SAMD5: variants seen among roughly 807,000 people sequenced by gnomAD.
SAMD5 encodes the protein sterile alpha motif domain-containing protein 5.
In SAMD5, 13 loss-of-function variants were observed where a neutral mutation model predicts 11.3. That is an observed-to-expected ratio of 1.15 (90% CI 0.75 to 1.83). The LOEUF (loss-of-function observed/expected upper bound fraction) is 1.83. SAMD5 is among the 40% of genes most tolerant of loss of function. The pLI, the probability that SAMD5 is intolerant of heterozygous loss-of-function variation, is 0.00. For missense variants in SAMD5, 255 were observed against 239.1 expected (o/e 1.07, Z -0.44); for synonymous variants, 129 against 111.3 (o/e 1.16, Z -1.00).
the SAMD5 span, among the ~76,000 whole-genome samples, chr6:147,830,174 A>C: frequency 6.6e-6 from 1 of 151,848 alleles, no homozygotes; most frequent in Non-Finnish European, 1.5e-5. Context: ...GGAGAGAAAG[A>C]ATAGGAGATG....
chr6:147,517,238 C>A (rs758923909), intron 1 of SAMD5, among the ~76,000 whole-genome samples: 2 of 152,192 alleles, frequency 1.3e-5, no homozygotes, highest in Non-Finnish European at 2.9e-5. Context: ...TGACATAGTG[C>A]TGGAGAGGTA....
rs201639504 is a variant in SAMD5 at position 147,540,767 on chromosome 6, CAG to C, written c.460-23618_460-23617del. ...TAGTGACATTTACTGTTTACCCAGA[CAG>C]AGAGAGAGGGGGGGGGTCCAGAAAC... On this transcript the variant is annotated intron_variant, in intron 1 of 1. Transcript: ENST00000367474. Among the ~76,000 whole-genome samples, 2 of 142,454 alleles carry C rather than the reference CAG, an allele frequency of 1.4e-5. 1 individual carries two copies. Among genetic ancestry groups the C allele is most frequent in the South Asian group, 4.5e-4 (2 of 4,460 alleles). The allele number at this position is 142,454 out of a possible 152,430, so 93.5% of individuals were successfully genotyped here. A position where few individuals can be genotyped will look rare whatever the true frequency, so the allele number is the denominator to read the frequency against.
At chr6:147,931,995 T>C in the SAMD5 span, among the ~76,000 whole-genome samples, 2 of 152,226 alleles carry the variant, frequency 1.3e-5, no homozygotes, top group African/African-American at 2.4e-5. Context: ...CTTCCACATC[T>C]ATCTTTCATT....
the SAMD5 span, among the ~76,000 whole-genome samples, chr6:147,948,580 G>A: frequency 7.9e-5 from 12 of 152,122 alleles, no homozygotes; most frequent in South Asian, 2.1e-4. Flanking sequence ...TCTCCTTCAC[G>A]TTCATCATCC....
the SAMD5 span, among the ~76,000 whole-genome samples, chr6:147,844,822 C>T: frequency 1.3e-5 from 2 of 152,034 alleles, no homozygotes; most frequent in African/African-American, 2.4e-5. Context: ...AAGAGTAGAA[C>T]AGTGGTTACC....
chr6:147,594,814 C>T (rs1789506131), intron 1 of SAMD5, among the ~76,000 whole-genome samples: 1 of 152,188 alleles, frequency 6.6e-6, no homozygotes, highest in African/African-American at 2.4e-5. Flanking sequence ...TCAGGTAATT[C>T]AAGAGGTTGA....
downstream of SAMD5, among the ~76,000 whole-genome samples, chr6:147,739,103 G>A (rs1018138906): frequency 6.6e-6 from 1 of 152,092 alleles, no homozygotes; most frequent in Non-Finnish European, 1.5e-5. Flanking sequence ...TGGTGTTGGG[G>A]AAAAAGCATC....
chr6:147,854,930 G>A, the SAMD5 span, among the ~76,000 whole-genome samples: 3 of 152,092 alleles, frequency 2.0e-5, no homozygotes, highest in Non-Finnish European at 2.9e-5. Context: ...CTGGGTTGGA[G>A]GAACAAAATT....
At chr6:147,845,436 G>A in the SAMD5 span, among the ~76,000 whole-genome samples, 8 of 152,102 alleles carry the variant, frequency 5.3e-5, no homozygotes, top group Non-Finnish European at 7.4e-5. Flanking sequence ...TCTGTGAAAG[G>A]TCAAAAGGAT....
At chr6:147,899,128 G>A in the SAMD5 span, among the ~76,000 whole-genome samples, 6 of 131,774 alleles carry the variant, frequency 4.6e-5, no homozygotes, top group African/African-American at 1.5e-4. Flanking sequence ...CCAAGATCGC[G>A]CCACTGCACT....
chr6:147,570,448 A>G (rs1423001725), downstream of SAMD5, among the ~76,000 whole-genome samples: 1 of 152,122 alleles, frequency 6.6e-6, no homozygotes, highest in Non-Finnish European at 1.5e-5. Flanking sequence ...CAGATAAGCA[A>G]TATTTCCGTG....
chr6:147,564,707 C>G lies in SAMD5; in HGVS notation c.*251C>G. On this transcript the variant is annotated 3_prime_UTR_variant, in exon 2 of 2. Coordinates refer to ENST00000367474, the MANE Select transcript of SAMD5 (RefSeq NM_001030060.3). ...TGAGTTCATTTTTTTAAGAAGATAT[C>G]ATGATGAGATACAGTCTTATGCATT... The G allele has an allele frequency of 8.3e-7, 1 of 1,206,826 alleles. No homozygotes were observed. Among genetic ancestry groups the G allele is most frequent in the Non-Finnish European group, 1.0e-6 (1 of 965,676 alleles). 74.8% of individuals were successfully genotyped at this position (1,206,826 alleles called of 1,614,324 possible).
At chr6:147,949,793 T>C in the SAMD5 span, among the ~76,000 whole-genome samples, 1 of 152,240 alleles carries the variant, frequency 6.6e-6, no homozygotes, top group Non-Finnish European at 1.5e-5. Flanking sequence ...TATGGATAAC[T>C]AAAAGATACT....
At chr6:147,796,163 A>T in the SAMD5 span, among the ~76,000 whole-genome samples, 1 of 150,294 alleles carries the variant, frequency 6.7e-6, no homozygotes, top group East Asian at 1.9e-4. Flanking sequence ...CTGAATGGTA[A>T]TGCCTAGGTT....
chr6:147,743,502 CAAA>C, the SAMD5 span, among the ~76,000 whole-genome samples: 2 of 119,664 alleles, frequency 1.7e-5, no homozygotes, highest in Non-Finnish European at 1.8e-5. Flanking sequence ...GACTCTGTCT[CAAA>C]AAAAAAAAAA....
chr6:147,843,645 C>T, the SAMD5 span, among the ~76,000 whole-genome samples: 10 of 152,184 alleles, frequency 6.6e-5, no homozygotes, highest in African/African-American at 2.2e-4. Context: ...TAAAAACAGA[C>T]ACGTCAACCA....
Position 147,568,050 on chromosome 6 carries a change from G to A in SAMD5, c.*3594G>A. On this transcript the variant is annotated 3_prime_UTR_variant, in exon 2 of 2. Coordinates refer to ENST00000367474, the MANE Select transcript of SAMD5 (RefSeq NM_001030060.3). ...CTTTCTTCTCTTTATGGCAGCTTCAGATTGATGAATTTGAGGTACAAATGA... is the reference window on the plus strand; with the variant it reads ...CTTTCTTCTCTTTATGGCAGCTTCAAATTGATGAATTTGAGGTACAAATGA... 2.0e-6 allele frequency: 2 copies of A among 985,328 alleles called. No individual in the cohort carries two copies. The highest frequency in any genetic ancestry group is 9.4e-5 in the South Asian group (2 of 21,280). The allele number at this position is 985,328 out of a possible 1,614,324, so 61.0% of individuals were successfully genotyped here.
In SAMD5 at chr6:147,588,040, A is replaced by G. The variant is rs892019676; in HGVS notation, c.162+78653A>G. ...CTATACATAGATTTCTTTGAAGGAGATATGTGTGTGCTCCTAGGGTTTATA... is the reference window on the plus strand; with the variant it reads ...CTATACATAGATTTCTTTGAAGGAGGTATGTGTGTGCTCCTAGGGTTTATA... On this transcript the variant is annotated intron_variant, in intron 1 of 1. Transcript: ENST00000566741. 3.9e-5 allele frequency among the ~76,000 whole-genome samples: 6 copies of G among 152,080 alleles called. 1 individual carries two copies. Among genetic ancestry groups the G allele is most frequent in the African/African-American group, 1.2e-4 (5 of 41,418 alleles).
chr6:147,903,989 G>C, the SAMD5 span, among the ~76,000 whole-genome samples: 1 of 152,044 alleles, frequency 6.6e-6, no homozygotes, highest in Non-Finnish European at 1.5e-5. Flanking sequence ...CTAGAGTATG[G>C]AGTCCCCAGA....
Sources: gnomAD v4.1 joint callset for allele counts (sites outside exome capture counted in the v4.1 genomes callset) on GRCh38, gnomAD v4.1.1 for gene constraint, MANE v1.5 for transcripts, NCBI Gene and HGNC (gene_info 2026-07-23, HGNC 2026-07-21) for gene names.